The following HHAT variants were observed in gnomAD, a reference collection of about 807,000 sequenced individuals.
HHAT encodes protein-cysteine N-palmitoyltransferase HHAT.
Under a neutral mutation model 70.8 loss-of-function variants are expected in HHAT, and 47 were observed. The ratio of observed to expected loss-of-function variants is 0.66; its 90% CI spans 0.53 to 0.85. The LOEUF is 0.85. HHAT is among the 40% of genes least tolerant of loss of function. The pLI is 0.00. For missense variants in HHAT, 609 were observed against 604.8 expected (o/e 1.01, Z -0.07); for synonymous variants, 228 against 247.6 (o/e 0.92, Z 0.74).
At chr1:210,622,040 A>G (rs1668947641) in intron 10 of HHAT, among the ~76,000 whole-genome samples, 1 of 152,142 alleles carries the variant, frequency 6.6e-6, no homozygotes, top group Non-Finnish European at 1.5e-5. Flanking sequence ...ATTTCTCTAG[A>G]TGGAGAGGAC....
intron 10 of HHAT, among the ~76,000 whole-genome samples, chr1:210,622,092 G>A (rs1421338682): frequency 6.6e-6 from 1 of 152,168 alleles, no homozygotes; most frequent in Admixed American, 6.5e-5. Flanking sequence ...ATTCACAGTA[G>A]GGCCGCATAA....
intron 9 of HHAT, among the ~76,000 whole-genome samples, chr1:210,560,036 G>T (rs947708655): frequency 1.3e-5 from 2 of 152,126 alleles, no homozygotes; most frequent in Non-Finnish European, 2.9e-5. Context: ...TTTCTCCTGA[G>T]TTGGCTGCCT....
intron 9 of HHAT, among the ~76,000 whole-genome samples, chr1:210,544,925 C>A (rs888737899): frequency 1.3e-5 from 2 of 152,152 alleles, no homozygotes; most frequent in African/African-American, 4.8e-5. Flanking sequence ...TCTGTTGATT[C>A]TACATACCTA....
At chr1:210,439,054 T>C (rs1047492789) in intron 7 of HHAT, among the ~76,000 whole-genome samples, 30 of 151,918 alleles carry the variant, frequency 2.0e-4, no homozygotes, top group African/African-American at 6.6e-4. Flanking sequence ...ACACGTCACC[T>C]TGGGGTTAAG....
chr1:210,400,760 G>T, intron 5 of HHAT, 98 bp downstream of exon 5: 1 of 1,139,460 alleles, frequency 8.8e-7, no homozygotes. Flanking sequence ...AGAGATGATT[G>T]TAGAACTGTG....
intron 10 of HHAT, among the ~76,000 whole-genome samples, chr1:210,599,889 C>T (rs553999240): frequency 2.6e-5 from 4 of 152,288 alleles, no homozygotes; most frequent in East Asian, 1.9e-4. Flanking sequence ...CTTTCACTTA[C>T]TGCCTCTTCC....
intron 11 of HHAT, among the ~76,000 whole-genome samples, chr1:210,658,337 C>G (rs1052757938): frequency 6.6e-6 from 1 of 152,162 alleles, no homozygotes; most frequent in Non-Finnish European, 1.5e-5. Context: ...TGACATCACT[C>G]TTCTAAAGTA....
At chr1:210,438,618 G>A (rs991699096) in intron 7 of HHAT, among the ~76,000 whole-genome samples, 3 of 151,526 alleles carry the variant, frequency 2.0e-5, no homozygotes, top group Non-Finnish European at 4.4e-5. Flanking sequence ...TTTTTCTTAC[G>A]GTTATTTGGC....
chr1:210,328,235 A>C (rs1371381799), upstream of HHAT: 1 of 152,040 alleles, frequency 6.6e-6, no homozygotes, highest in East Asian at 1.9e-4. Context: ...AAGTCTGGAG[A>C]ACTCTGGCAA....
At chr1:210,660,334 A>T (rs1302432828) in intron 11 of HHAT, among the ~76,000 whole-genome samples, 1 of 152,202 alleles carries the variant, frequency 6.6e-6, no homozygotes, top group African/African-American at 2.4e-5. Flanking sequence ...AGAGAATAAA[A>T]TACCCAGGAA....
intron 8 of HHAT, among the ~76,000 whole-genome samples, chr1:210,481,447 C>A (rs951559245): frequency 5.3e-5 from 8 of 152,164 alleles, no homozygotes; most frequent in African/African-American, 1.9e-4. Flanking sequence ...CACAGCCTTC[C>A]AGTACTTAGC....
chr1:210,331,083 C>T (rs1274344353), intron 1 of HHAT, among the ~76,000 whole-genome samples: 1 of 152,122 alleles, frequency 6.6e-6, no homozygotes. Flanking sequence ...TCCTTGGCCT[C>T]CCAAAGTGCT....
At chr1:210,535,567 C>T (rs1573113276) in intron 9 of HHAT, among the ~76,000 whole-genome samples, 1 of 151,924 alleles carries the variant, frequency 6.6e-6, no homozygotes. Context: ...GACCAGTCCG[C>T]TTGGTGTGCA....
intron 7 of HHAT, among the ~76,000 whole-genome samples, chr1:210,450,294 T>TGG (rs11412055): frequency 0.061 from 8,785 of 143,594 alleles, 292 homozygotes; most frequent in South Asian, 0.077. Flanking sequence ...GCGTCTCAGG[T>TGG]GGGGGGGGTG....
At chr1:210,438,662 A>T (rs1227280261) in intron 7 of HHAT, among the ~76,000 whole-genome samples, 1 of 151,790 alleles carries the variant, frequency 6.6e-6, no homozygotes, top group Non-Finnish European at 1.5e-5. Context: ...GAACTGACTC[A>T]GGTCTGGAAA....
At chr1:210,668,842 C>T (rs772994174) in intron 11 of HHAT, among the ~76,000 whole-genome samples, 5 of 152,182 alleles carry the variant, frequency 3.3e-5, no homozygotes, top group African/African-American at 4.8e-5. Context: ...GGTGCAATCT[C>T]AGCTCACTGC....
intron 8 of HHAT, among the ~76,000 whole-genome samples, chr1:210,506,491 G>A (rs1052479138): frequency 6.6e-6 from 1 of 152,156 alleles, no homozygotes; most frequent in African/African-American, 2.4e-5. Flanking sequence ...AAGATTTTCT[G>A]TTTTTAATTT....
chr1:210,434,213 A>G (rs2093322927), intron 7 of HHAT, among the ~76,000 whole-genome samples: 1 of 151,978 alleles, frequency 6.6e-6, no homozygotes, highest in Non-Finnish European at 1.5e-5. Flanking sequence ...GACTTTGGTC[A>G]TGGTTGCCAC....
chr1:210,573,817 T>C (rs1656950373), intron 9 of HHAT, among the ~76,000 whole-genome samples: 1 of 152,160 alleles, frequency 6.6e-6, no homozygotes, highest in Non-Finnish European at 1.5e-5. Context: ...GCAGCAGACA[T>C]AAACAATGAC....
Sources: gnomAD v4.1 joint callset for allele counts (sites outside exome capture counted in the v4.1 genomes callset) on GRCh38, gnomAD v4.1.1 for gene constraint, MANE v1.5 for transcripts, NCBI Gene and HGNC (gene_info 2026-07-23, HGNC 2026-07-21) for gene names.